The following DERL1 variants were observed in gnomAD, a reference collection of about 807,000 sequenced individuals.
The protein encoded by DERL1 is derlin 1.
In DERL1, 24 loss-of-function variants were observed where a neutral mutation model predicts 41.6. The ratio of observed to expected loss-of-function variants is 0.58; its 90% confidence interval spans 0.42 to 0.81. The LOEUF (loss-of-function observed/expected upper bound fraction) is 0.81, where lower values mean the gene tolerates loss of function less well. Among genes scored for constraint, DERL1 ranks in the 30% least tolerant of loss-of-function variants. DERL1 has a pLI of 0.00. For missense variants in DERL1, 260 were observed against 314.3 expected, an observed-to-expected ratio of 0.83 and a Z score of 1.31; for synonymous variants, 124 against 112.5, an observed-to-expected ratio of 1.10 and a Z score of -0.65.
At chr8:123,035,373 C>A (rs1365097771) in intron 1 of DERL1, among the ~76,000 whole-genome samples, 2 of 152,160 alleles carry the variant, frequency 1.3e-5, no homozygotes, top group Non-Finnish European at 2.9e-5. Context: ...TTCGGAAATC[C>A]CCATTGTAAG....
intron 1 of DERL1, among the ~76,000 whole-genome samples, chr8:123,041,716 G>A (rs1180097934): frequency 1.3e-5 from 2 of 152,168 alleles, no homozygotes; most frequent in Non-Finnish European, 2.9e-5. Context: ...TGCGAAGAGC[G>A]GGAAGCACAA....
At chr8:123,041,470 C>G (rs901176483) in intron 1 of DERL1, among the ~76,000 whole-genome samples, 6 of 152,176 alleles carry the variant, frequency 3.9e-5, no homozygotes. Flanking sequence ...AAATGCAGAA[C>G]AATACACTCG....
chr8:123,018,179 T>C (rs1050962279), intron 7 of DERL1: 11 of 152,152 alleles, frequency 7.2e-5, no homozygotes, highest in Admixed American at 7.2e-4. Flanking sequence ...TTTGGTTTGT[T>C]TGTTTTTTTA....
chr8:123,020,729 CATTTGAGGTCAGGA>C (rs1440775307), intron 6 of DERL1, among the ~76,000 whole-genome samples: 1 of 142,982 alleles, frequency 7.0e-6, no homozygotes, highest in Non-Finnish European at 1.5e-5. Flanking sequence ...GCAGGCAGAT[CATTTGAGGTCAGGA>C]GTTTGAGACC....
intron 2 of DERL1, among the ~76,000 whole-genome samples, chr8:123,027,512 G>A (rs532892447): frequency 6.6e-6 from 1 of 152,094 alleles, no homozygotes; most frequent in Non-Finnish European, 1.5e-5. Context: ...TACCGTACAT[G>A]AATTACATCT....
intron 1 of DERL1, among the ~76,000 whole-genome samples, chr8:123,034,583 A>C (rs1391161547): frequency 6.6e-6 from 1 of 152,244 alleles, no homozygotes; most frequent in Non-Finnish European, 1.5e-5. Flanking sequence ...GTAAGTGGTG[A>C]AGCTAGAATT....
chr8:123,027,813 G>C (rs553108597), intron 2 of DERL1, among the ~76,000 whole-genome samples: 2 of 152,308 alleles, frequency 1.3e-5, no homozygotes, highest in East Asian at 3.9e-4. Flanking sequence ...TGTAATCCCA[G>C]CACTTTGGGA....
At chr8:123,037,772 TATCTC>T (rs1299158456) in intron 1 of DERL1, among the ~76,000 whole-genome samples, 4 of 152,170 alleles carry the variant, frequency 2.6e-5, no homozygotes, top group Non-Finnish European at 5.9e-5. Context: ...GGGTAACACT[TATCTC>T]AGGATGACTG....
At position 123,021,642 on chromosome 8, in the gene DERL1, A is replaced by C; in HGVS notation, c.454-143T>G. 3 of 718,544 alleles carry C rather than the reference A, an allele frequency of 4.2e-6. No homozygotes were observed. The South Asian group carries it at 4.9e-5, about 12-fold the overall frequency. The allele number at this position is 718,544 out of a possible 1,614,324, so 44.5% of individuals were successfully genotyped here. On this transcript the variant is annotated intron_variant, in intron 5 of 7. Coordinates refer to ENST00000259512, the MANE Select transcript of DERL1 (RefSeq NM_024295.6). ...AGGTCACTGCAAAATTTCTAGGATC[A>C]ATCTAGCATTATTCCCACTATACTT...
chr8:123,015,343 G>T lies in DERL1; in HGVS notation c.*104C>A. Reference sequence around the variant, plus strand: ...GTCTCGTACTGAAAGACTACATTCAGTGTGGGTCAGGTCCAACAGTGTTAG... The same window carrying T: ...GTCTCGTACTGAAAGACTACATTCATTGTGGGTCAGGTCCAACAGTGTTAG... On this transcript the variant is annotated 3_prime_UTR_variant, in exon 8 of 8. Transcript: ENST00000259512. 1 of 1,400,432 alleles carries T rather than the reference G, an allele frequency of 7.1e-7. No homozygotes were observed. The highest frequency in any genetic ancestry group is 9.6e-7 in the Non-Finnish European group (1 of 1,045,750). 86.8% of individuals were successfully genotyped at this position (1,400,432 alleles called of 1,614,324 possible).
At chr8:123,041,928 C>T in intron 1 of DERL1, 42 bp downstream of exon 1, 1 of 1,545,816 alleles carries the variant, frequency 6.5e-7, no homozygotes, top group Non-Finnish European at 8.8e-7. Context: ...GCTGGGCCTC[C>T]TGGGGCCTGT....
chr8:123,026,632 A>G (rs1812694425), intron 2 of DERL1, among the ~76,000 whole-genome samples: 1 of 152,214 alleles, frequency 6.6e-6, no homozygotes, highest in South Asian at 2.1e-4. Context: ...CGTTAACTCA[A>G]AGAGCTCTGC....
Position 123,013,650 on chromosome 8 carries a change from C to T in DERL1, c.*1797G>A, listed in dbSNP as rs1814475295. 6.6e-6 allele frequency: 1 copy of T among 152,190 alleles called. No homozygotes were observed. 9.4% of individuals were successfully genotyped at this position (152,190 alleles called of 1,614,324 possible). A position where few individuals can be genotyped will look rare whatever the true frequency, so the allele number is the denominator to read the frequency against. On this transcript the variant is annotated 3_prime_UTR_variant, in exon 8 of 8. Coordinates refer to ENST00000259512, the MANE Select transcript of DERL1 (RefSeq NM_024295.6). ...CTTGTAAACCTTTAGGAAAAAATGACTGCTCGCAGGCAGCTGACTGGTAAG... is the reference window on the plus strand; with the variant it reads ...CTTGTAAACCTTTAGGAAAAAATGATTGCTCGCAGGCAGCTGACTGGTAAG...
chr8:123,025,010 G>C lies in DERL1; in HGVS notation c.306C>G (p.Leu102=), dbSNP rs1308947056. ...CCACGATGCAAATCCAGTTAAAGAGGAGCATGAATAAATAGTCTGCTGGCC... is the reference window on the plus strand; with the variant it reads ...CCACGATGCAAATCCAGTTAAAGAGCAGCATGAATAAATAGTCTGCTGGCC... ...DGRPADYLFM[L]LFNWICIVIT... Residue 102 remains leucine, a synonymous_variant, in exon 3 of 8, where the codon CTC becomes CTG. Coordinates refer to ENST00000259512, the MANE Select transcript of DERL1 (RefSeq NM_024295.6). The C allele has an allele frequency of 6.2e-7, 1 of 1,613,724 alleles. No homozygotes were observed. Among genetic ancestry groups the C allele is most frequent in the Non-Finnish European group, 8.5e-7 (1 of 1,179,902 alleles).
At chr8:123,017,962 TAAAG>T (rs1351175260) in intron 7 of DERL1, 1 of 152,156 alleles carries the variant, frequency 6.6e-6, no homozygotes, top group East Asian at 1.9e-4. Context: ...TTTATTCTCT[TAAAG>T]AAAAACACAC....
intron 3 of DERL1, 36 bp from the exon 4 acceptor site, chr8:123,023,775 G>C (rs1332788668): frequency 2.5e-6 from 4 of 1,607,472 alleles, no homozygotes; most frequent in Non-Finnish European, 3.4e-6. Flanking sequence ...ACATAAAAAA[G>C]CATTCTGTAC....
At chr8:123,017,896 C>G (rs1033971239) in intron 7 of DERL1, 1 of 152,142 alleles carries the variant, frequency 6.6e-6, no homozygotes, top group African/African-American at 2.4e-5. Context: ...CCAGATTGGT[C>G]ATTTGTTTTT....
rs577459804 is a variant in DERL1, at chr8:123,014,968, A to T, written c.*479T>A. On this transcript the variant is annotated 3_prime_UTR_variant, in exon 8 of 8. Transcript: ENST00000259512. ...ATGATTGTTGTGACCAAGCCTTGGC[A>T]AAAGTCAATAAATAACAGAACCTGT... The T allele has an allele frequency of 1.3e-5, 2 of 152,654 alleles. No homozygotes were observed. Among genetic ancestry groups the T allele is most frequent in the South Asian group, 4.1e-4 (2 of 4,836 alleles). 9.5% of individuals were successfully genotyped at this position (152,654 alleles called of 1,614,324 possible).
At chr8:123,016,107 T>C (rs1466250591) in intron 7 of DERL1, 2 of 152,220 alleles carry the variant, frequency 1.3e-5, no homozygotes, top group Non-Finnish European at 1.5e-5. Flanking sequence ...AGTATGGGTA[T>C]GTTTTAAAAT....
Sources: allele counts gnomAD v4.1 joint callset (sites outside exome capture counted in the v4.1 genomes callset), GRCh38; gene constraint gnomAD v4.1.1; transcripts MANE v1.5; gene names NCBI Gene and HGNC (gene_info 2026-07-23, HGNC 2026-07-21).